LRRC4C: variants seen among roughly 807,000 people sequenced by gnomAD.
LRRC4C encodes the protein leucine-rich repeat-containing protein 4C.
A neutral mutation model predicts 33.6 loss-of-function variants in LRRC4C; 5 were observed. That is an observed-to-expected ratio of 0.15 (90% CI 0.08 to 0.31). LRRC4C has a LOEUF of 0.31. Among genes scored for constraint, LRRC4C ranks in the 10% least tolerant of loss-of-function variants. The probability of loss-of-function intolerance (pLI) is 1.00; values close to 1 mark genes in which losing one functional copy is unlikely to be tolerated. For missense variants in LRRC4C, 560 were observed against 796.7 expected (o/e 0.70, Z 3.58); for synonymous variants, 329 against 302.0 (o/e 1.09, Z -0.93).
At chr11:41,244,010 T>C (rs1948354191) in intron 1 of LRRC4C, among the ~76,000 whole-genome samples, 1 of 152,092 alleles carries the variant, frequency 6.6e-6, no homozygotes. Flanking sequence ...AATTTGCCTG[T>C]TTACCAAGTT....
intron 2 of LRRC4C, among the ~76,000 whole-genome samples, chr11:40,836,367 A>G (rs1952667279): frequency 6.6e-6 from 1 of 152,244 alleles, no homozygotes; most frequent in Admixed American, 6.5e-5. Flanking sequence ...ATTCTGTTGT[A>G]GCAAGTGAGG....
At chr11:41,223,637 C>T (rs1947402442) in intron 1 of LRRC4C, among the ~76,000 whole-genome samples, 1 of 152,202 alleles carries the variant, frequency 6.6e-6, no homozygotes, top group Admixed American at 6.5e-5. Context: ...AGCTTTCTGC[C>T]TGCAGATTGC....
chr11:40,497,605 C>A (rs552723100), intron 3 of LRRC4C, among the ~76,000 whole-genome samples: 2 of 152,092 alleles, frequency 1.3e-5, no homozygotes, highest in South Asian at 4.1e-4. Flanking sequence ...CCATGCTACA[C>A]CTTCATCACA....
rs1248505885 is a variant in LRRC4C at position 41,459,499 on chromosome 11, A to C, written c.-564T>G. The C allele has an allele frequency of 1.3e-5, 2 of 151,702 alleles. No individual in the cohort carries two copies. Among genetic ancestry groups the C allele is most frequent in the Non-Finnish European group, 2.9e-5 (2 of 68,012 alleles). The allele number at this position is 151,702 out of a possible 1,614,324, so 9.4% of individuals were successfully genotyped here. On this transcript the variant is annotated 5_prime_UTR_variant, in exon 1 of 7. Transcript: ENST00000528697. ...CCTCTAGCTTGCCGTGCACTACTCT[A>C]TTTTCTTTTCTTCTTTTTATTTTTT... is the stretch of plus-strand genomic sequence containing the variant.
intron 4 of LRRC4C, among the ~76,000 whole-genome samples, chr11:40,287,173 C>T (rs1040789559): frequency 6.6e-6 from 1 of 151,658 alleles, no homozygotes; most frequent in Non-Finnish European, 1.5e-5. Context: ...AATGACAACA[C>T]CAAGAATAAG....
At chr11:40,540,727 T>C (rs754853031) in intron 3 of LRRC4C, among the ~76,000 whole-genome samples, 11 of 152,188 alleles carry the variant, frequency 7.2e-5, no homozygotes, top group Non-Finnish European at 1.5e-4. Flanking sequence ...TGAGCTTCTA[T>C]TGTGGAATCT....
chr11:40,533,386 G>A (rs1160937657), intron 3 of LRRC4C, among the ~76,000 whole-genome samples: 2 of 152,120 alleles, frequency 1.3e-5, no homozygotes, highest in Non-Finnish European at 2.9e-5. Context: ...ACTAATTCAT[G>A]TGGGTCTTTT....
chr11:40,743,971 A>G (rs1427012828), intron 2 of LRRC4C, among the ~76,000 whole-genome samples: 2 of 152,124 alleles, frequency 1.3e-5, no homozygotes, highest in Non-Finnish European at 1.5e-5. Flanking sequence ...CTGCCTCTGT[A>G]TAAAGCATCA....
chr11:40,710,176 T>C (rs1946388528), intron 2 of LRRC4C, among the ~76,000 whole-genome samples: 1 of 152,242 alleles, frequency 6.6e-6, no homozygotes, highest in Non-Finnish European at 1.5e-5. Context: ...ACCGACTTTC[T>C]GAAGCCTACT....
chr11:41,281,669 A>C (rs977256785), intron 1 of LRRC4C, among the ~76,000 whole-genome samples: 9 of 152,164 alleles, frequency 5.9e-5, no homozygotes, highest in African/African-American at 2.2e-4. Context: ...AAAGATTCTG[A>C]TTTAATCTAT....
chr11:41,345,695 C>T lies in LRRC4C; in HGVS notation c.-496+113736G>A, dbSNP rs185169148. ...CTTCATTCTAAAGTAGGTATCATGA[C>T]CTAGGAGTTCCCATCGGATCCAGCC... On this transcript the variant is annotated intron_variant, in intron 1 of 6. Transcript: ENST00000528697. Among the ~76,000 whole-genome samples, 5 of 152,202 alleles carry T rather than the reference C, an allele frequency of 3.3e-5. No individual in the cohort carries two copies. In the East Asian group the frequency reaches 9.7e-4, roughly 29 times the overall value.
chr11:41,264,429 A>T (rs2136767630), intron 1 of LRRC4C, among the ~76,000 whole-genome samples: 1 of 152,244 alleles, frequency 6.6e-6, no homozygotes, highest in South Asian at 2.1e-4. Flanking sequence ...TTTCATAAGT[A>T]GGAACTCAGG....
chr11:40,823,812 T>C (rs1204435485), intron 2 of LRRC4C, among the ~76,000 whole-genome samples: 1 of 151,844 alleles, frequency 6.6e-6, no homozygotes, highest in Non-Finnish European at 1.5e-5. Context: ...CCCTATGACC[T>C]AGAAACTCCA....
intron 1 of LRRC4C, among the ~76,000 whole-genome samples, chr11:40,978,493 T>C (rs1852253083): frequency 6.6e-6 from 1 of 152,156 alleles, no homozygotes; most frequent in African/African-American, 2.4e-5. Flanking sequence ...AGACCAGGGA[T>C]ATTGCTAAAC....
rs372937724 is a variant in LRRC4C, at chr11:41,343,717, A to G, written c.-496+115714T>C. On this transcript the variant is annotated intron_variant, in intron 1 of 6. Coordinates refer to ENST00000528697, the MANE Select transcript of LRRC4C (RefSeq NM_001258419.2). ...ATTCCACTTACTAATGCACATTAAT[A>G]AAATCACATATTTATTTTTCATGTA... 4.1e-4 allele frequency among the ~76,000 whole-genome samples: 62 copies of G among 152,338 alleles called. 3 individuals are homozygous for G. In the South Asian group the frequency reaches 0.012, roughly 31 times the overall value.
At position 41,180,056 on chromosome 11, in the gene LRRC4C, A is replaced by C. The variant is rs932825186; in HGVS notation, c.-495-246333T>G. On this transcript the variant is annotated intron_variant, in intron 1 of 6. Transcript: ENST00000528697. ...GAAGTTTCAAGAAAAACTTCAAGGA[A>C]GTGATATGGAAGGGAAAATCTAATA... 2.0e-5 allele frequency among the ~76,000 whole-genome samples: 3 copies of C among 152,192 alleles called. No individual in the cohort carries two copies. In the East Asian group the frequency reaches 5.8e-4, roughly 29 times the overall value.
At chr11:41,330,962 G>A (rs958287364) in intron 1 of LRRC4C, among the ~76,000 whole-genome samples, 3 of 151,988 alleles carry the variant, frequency 2.0e-5, no homozygotes, top group Non-Finnish European at 4.4e-5. Flanking sequence ...CTATGGCTCC[G>A]TCTGGTATTT....
At chr11:41,207,120 T>C (rs529435545) in intron 1 of LRRC4C, among the ~76,000 whole-genome samples, 159 of 152,088 alleles carry the variant, frequency 1.0e-3, no homozygotes, top group Non-Finnish European at 2.0e-3. Context: ...ATCCACAACA[T>C]TCTATGCATT....
chr11:41,237,715 T>C (rs1948082701), intron 1 of LRRC4C, among the ~76,000 whole-genome samples: 1 of 152,178 alleles, frequency 6.6e-6, no homozygotes, highest in Admixed American at 6.5e-5. Context: ...AGGAAAGGTG[T>C]TAGCCCCAAT....
Sources: allele counts gnomAD v4.1 joint callset (sites outside exome capture counted in the v4.1 genomes callset), GRCh38; gene constraint gnomAD v4.1.1; transcripts MANE v1.5; gene names NCBI Gene and HGNC (gene_info 2026-07-23, HGNC 2026-07-21).